The following HSPG2 variants were observed in gnomAD, a reference collection of about 807,000 sequenced individuals.
The protein encoded by HSPG2 is basement membrane-specific heparan sulfate proteoglycan core protein.
HSPG2 carries 278 observed loss-of-function variants against 526.6 expected under a neutral mutation model. The ratio of observed to expected loss-of-function variants is 0.53; its 90% confidence interval spans 0.48 to 0.58. The LOEUF (loss-of-function observed/expected upper bound fraction) is 0.58, where lower values mean the gene tolerates loss of function less well. Ranked by LOEUF, HSPG2 falls within the 20% of genes least tolerant of loss-of-function variation. HSPG2 has a pLI of 0.00. For missense variants in HSPG2, 5,354 were observed against 6,099.5 expected, an observed-to-expected ratio of 0.88 and a Z score of 4.07; for synonymous variants, 2,465 against 2,555.4, an observed-to-expected ratio of 0.96 and a Z score of 1.07.
intron 13 of HSPG2, among the ~76,000 whole-genome samples, chr1:21,882,573 T>C (rs558394771): frequency 6.6e-5 from 10 of 152,094 alleles, no homozygotes; most frequent in African/African-American, 2.2e-4. Flanking sequence ...GTTAGGTTGG[T>C]GAAAAAGTAA....
At chr1:21,879,858 G>A (rs1156836406) in intron 17 of HSPG2, among the ~76,000 whole-genome samples, 2 of 152,174 alleles carry the variant, frequency 1.3e-5, no homozygotes, top group African/African-American at 4.8e-5. Flanking sequence ...TCACCATGTT[G>A]GCCAGGCTGG....
Position 21,887,564 on chromosome 1 carries a change from G to A in HSPG2, c.814C>T (p.Pro272Ser). 6.2e-7 allele frequency: 1 copy of A among 1,614,130 alleles called. No individual in the cohort carries two copies. The highest frequency in any genetic ancestry group is 8.5e-7 in the Non-Finnish European group (1 of 1,180,026). ...ACGGAACCGGGAAGCAGGGGCTGAGGAGCGTGGGTGACTGGTGGCTGTCGC... is the reference window on the plus strand; with the variant it reads ...ACGGAACCGGGAAGCAGGGGCTGAGAAGCGTGGGTGACTGGTGGCTGTCGC... Reference protein sequence around the residue: ...IMRQPPVTHAPQPLLPGSVRP... With the variant: ...IMRQPPVTHASQPLLPGSVRP... The change falls in exon 8 of 97, where the codon CCT becomes TCT. Residue 272 changes from proline (P) to serine (S), a missense_variant. Transcript: ENST00000374695. The surrounding 1 kb of genome is among the most constrained non-coding windows in gnomAD (Gnocchi z 5.0).
rs1036572416 is a variant in HSPG2, at chr1:21,888,420, T to C, written c.575-354A>G. 2.0e-5 allele frequency among the ~76,000 whole-genome samples: 3 copies of C among 152,356 alleles called. No individual in the cohort carries two copies. In the South Asian group the frequency reaches 6.2e-4, roughly 32 times the overall value. On this transcript the variant is annotated intron_variant, in intron 6 of 96. Transcript: ENST00000374695. ...GTCTTGGGCTGTGCCCAGCCAGCCA[T>C]CTTGCCCACACCCTTCTTTCCTCTC...
chr1:21,829,591 G>A lies in HSPG2; in HGVS notation c.11784C>T (p.Thr3928=). 1.2e-6 allele frequency: 2 copies of A among 1,606,126 alleles called. No individual in the cohort carries two copies. Among genetic ancestry groups the A allele is most frequent in the South Asian group, 1.1e-5 (1 of 90,778 alleles). ...GLRCEEGVTV[T]TPSLSGAGSY... is the part of the protein sequence containing the mutation. Reference sequence around the variant, plus strand: ...AGCCAGCACCCGACAGCGAGGGGGTGGTCACTGTCACACCTGCAGCAGCCA... The same window carrying A: ...AGCCAGCACCCGACAGCGAGGGGGTAGTCACTGTCACACCTGCAGCAGCCA... Residue 3928 remains threonine, a synonymous_variant, in exon 87 of 97, where the codon ACC becomes ACT. Transcript: ENST00000374695.
rs746825144 is a variant in HSPG2, at chr1:21,895,826, C to G, written c.244+96G>C. ...ACCCACTTCTTCTTGCTTTGTACCC[C>G]AGGGCAGGCCCAAGGAGCCCTCAGC... On this transcript the variant is annotated intron_variant, in intron 3 of 96. Coordinates refer to ENST00000374695, the MANE Select transcript of HSPG2 (RefSeq NM_005529.7). The surrounding 1 kb of genome is among the most constrained non-coding windows in gnomAD (Gnocchi z 4.1). The G allele has an allele frequency of 6.2e-6, 7 of 1,131,032 alleles. No homozygotes were observed. Among genetic ancestry groups the G allele is most frequent in the African/African-American group, 1.5e-5 (1 of 65,644 alleles). 70.1% of individuals were successfully genotyped at this position (1,131,032 alleles called of 1,614,324 possible).
intron 1 of HSPG2, among the ~76,000 whole-genome samples, chr1:21,931,066 G>A (rs1315304726): frequency 6.6e-6 from 1 of 152,204 alleles, no homozygotes; most frequent in Non-Finnish European, 1.5e-5. Flanking sequence ...TGCAGGCCTG[G>A]CACAGATGAG....
chr1:21,883,688 G>T, intron 13 of HSPG2, among the ~76,000 whole-genome samples: 1 of 152,210 alleles, frequency 6.6e-6, no homozygotes, highest in East Asian at 1.9e-4. Context: ...CATAAAATGT[G>T]TTGAGTGCTT....
chr1:21,845,967 G>C, intron 64 of HSPG2, 141 bp downstream of exon 64: 2 of 1,028,380 alleles, frequency 1.9e-6, no homozygotes, highest in Non-Finnish European at 2.9e-6. Context: ...GGACCGTGTG[G>C]GTGGCGGGAG....
chr1:21,841,554 T>C lies in HSPG2; in HGVS notation c.9313A>G (p.Asn3105Asp), dbSNP rs771851950. Residue 3105 changes from asparagine to aspartate, a missense_variant, in exon 70 of 97, where the codon AAC (asparagine) becomes GAC (aspartate). Physicochemically the swap from Asn to Asp is conservative, Grantham distance 23. Coordinates refer to ENST00000374695, the MANE Select transcript of HSPG2 (RefSeq NM_005529.7). ...NAYGVAQSVV[N>D]LSVHGPPTVS... ...GTCCCCTCACCGTGCACACTGAGGT[T>C]CACCACACTCTGGGCCACACCGTAG... 1.4e-5 allele frequency: 22 copies of C among 1,614,110 alleles called. No individual in the cohort carries two copies. Among genetic ancestry groups the C allele is most frequent in the Non-Finnish European group, 1.7e-5 (20 of 1,180,042 alleles).
chr1:21,839,638 G>A lies in HSPG2; in HGVS notation c.9710-88C>T, dbSNP rs1259867775. On this transcript the variant is annotated intron_variant, in intron 72 of 96. Coordinates refer to ENST00000374695, the MANE Select transcript of HSPG2 (RefSeq NM_005529.7). The surrounding 1 kb of genome is among the most constrained non-coding windows in gnomAD (Gnocchi z 4.5). ...GCCATGGTGAGGAAGGGCCCTGGGTGATCCTGTCCCTCTATGGGGACCCCA... is the reference window on the plus strand; with the variant it reads ...GCCATGGTGAGGAAGGGCCCTGGGTAATCCTGTCCCTCTATGGGGACCCCA... 1.3e-6 allele frequency: 2 copies of A among 1,497,864 alleles called. No homozygotes were observed. The highest frequency in any genetic ancestry group is 4.7e-5 in the East Asian group (2 of 42,232). 92.8% of individuals were successfully genotyped at this position (1,497,864 alleles called of 1,614,324 possible).
Position 21,890,016 on chromosome 1 carries a change from G to C in HSPG2, c.539C>G (p.Ser180Cys). 1 of 1,614,072 alleles carries C rather than the reference G, an allele frequency of 6.2e-7. No individual in the cohort carries two copies. The highest frequency in any genetic ancestry group is 1.3e-5 in the African/African-American group (1 of 75,024). Residue 180 changes from serine (S) to cysteine (C), a missense_variant, in exon 6 of 97, where the codon TCT (serine) becomes TGT (cysteine). Transcript: ENST00000374695. This position sits in a 1 kb window ranked among gnomAD's most constrained non-coding sequence, Gnocchi z 4.1. ...SSGSVASYVT[S>C]PQGFQFRRLG... ...GCGTCGGAACTGGAATCCCTGGGGA[G>C]AGGTGACGTAGGAGGCCACAGAGCC...
Position 21,829,533 on chromosome 1 carries a change from G to A in HSPG2, c.11842C>T (p.His3948Tyr). The change falls in exon 87 of 97, where the codon CAC (histidine) becomes TAC (tyrosine). Residue 3948 changes from histidine (H) to tyrosine (Y), a missense_variant. His to Tyr is a moderately conservative substitution (Grantham distance 83). Coordinates refer to ENST00000374695, the MANE Select transcript of HSPG2 (RefSeq NM_005529.7). ...YLALPALTNT[H>Y]HELRLDVEFK... ...TCCACGTCCAGGCGTAGCTCGTGGT[G>A]TGTGTTGGTGAGGGCGGGCAGTGCC... 6.2e-7 allele frequency: 1 copy of A among 1,613,050 alleles called. No individual in the cohort carries two copies. Among genetic ancestry groups the A allele is most frequent in the Non-Finnish European group, 8.5e-7 (1 of 1,179,800 alleles).
At chr1:21,912,341 C>T (rs1413559330) in intron 1 of HSPG2, among the ~76,000 whole-genome samples, 2 of 152,178 alleles carry the variant, frequency 1.3e-5, no homozygotes, top group Non-Finnish European at 2.9e-5. Flanking sequence ...GTAAGTACCA[C>T]TTCTTCCTTC....
chr1:21,914,272 T>C (rs1323256238), intron 1 of HSPG2, among the ~76,000 whole-genome samples: 4 of 152,052 alleles, frequency 2.6e-5, no homozygotes, highest in Non-Finnish European at 5.9e-5. Context: ...GGGAGTGGCC[T>C]GTTGAGGGTT....
chr1:21,872,504 G>C lies in HSPG2; in HGVS notation c.4029+116C>G. The C allele has an allele frequency of 1.4e-6, 2 of 1,408,658 alleles. No homozygotes were observed. The highest frequency in any genetic ancestry group is 2.0e-6 in the Non-Finnish European group (2 of 1,019,096). The allele number at this position is 1,408,658 out of a possible 1,614,324, so 87.3% of individuals were successfully genotyped here. A position where few individuals can be genotyped will look rare whatever the true frequency, so the allele number is the denominator to read the frequency against. On this transcript the variant is annotated intron_variant, in intron 32 of 96. Transcript: ENST00000374695. This position sits in a 1 kb window ranked among gnomAD's most constrained non-coding sequence, Gnocchi z 5.5. ...AGATCAGGACTGCGAGAGAAATAAT[G>C]GGGGCATGTGAGGGTACTGAGGCGG...
At chr1:21,850,315 G>A in intron 56 of HSPG2, 48 bp downstream of exon 56, 2 of 1,604,184 alleles carry the variant, frequency 1.2e-6, no homozygotes, top group Non-Finnish European at 8.5e-7. Flanking sequence ...AGAGTGGGGG[G>A]CCTCCCACCC....
At chr1:21,831,912 C>A in intron 81 of HSPG2, 116 bp from the exon 82 acceptor site, 1 of 1,133,306 alleles carries the variant, frequency 8.8e-7, no homozygotes, top group South Asian at 1.6e-5. Context: ...TTCCTGCAGT[C>A]CCAGCCCTGG....
At position 21,842,259 on chromosome 1, in the gene HSPG2, G is replaced by A; in HGVS notation, c.9032C>T (p.Pro3011Leu). Reference sequence around the variant, plus strand: ...CTCACGGTAGGAAGACCCCTCACTGGGCGGGACGGTGACTGTGAAGGAGGC... The same window carrying A: ...CTCACGGTAGGAAGACCCCTCACTGAGCGGGACGGTGACTGTGAAGGAGGC... ...QEASFTVTVP[P>L]SEGSSYRLRS... Residue 3011 changes from proline to leucine, a missense_variant, in exon 68 of 97, where the codon CCC becomes CTC. Physicochemically the swap from Pro to Leu is moderately conservative, Grantham distance 98 (BLOSUM62 -3). Coordinates refer to ENST00000374695, the MANE Select transcript of HSPG2 (RefSeq NM_005529.7). 1 of 1,613,596 alleles carries A rather than the reference G, an allele frequency of 6.2e-7. No individual in the cohort carries two copies. Among genetic ancestry groups the A allele is most frequent in the Non-Finnish European group, 8.5e-7 (1 of 1,179,926 alleles).
rs766609198 is a variant in HSPG2, at chr1:21,842,361, C to T, written c.8930G>A (p.Arg2977Gln). 4.4e-6 allele frequency: 7 copies of T among 1,608,962 alleles called. No homozygotes were observed. The highest frequency in any genetic ancestry group is 1.7e-5 in the Admixed American group (1 of 59,744). The change falls in exon 68 of 97, where the codon CGG becomes CAG. Residue 2977 changes from arginine (R) to glutamine (Q), a missense_variant. Arg to Gln is a conservative substitution (Grantham distance 43, BLOSUM62 1). Transcript: ENST00000374695. ...ARHQTHGSQL[R>Q]LHLVSPADSG... ...GTCGGCAGGGGAGACGAGGTGGAGC[C>T]GCAGCTGGGAGCCATGGGTCTGTCA... is the stretch of plus-strand genomic sequence containing the variant.
Sources: gnomAD v4.1 joint callset for allele counts (sites outside exome capture counted in the v4.1 genomes callset) on GRCh38, gnomAD v4.1.1 for gene constraint, Gnocchi (gnomAD v3.1) non-coding constraint, MANE v1.5 for transcripts, NCBI Gene and HGNC (gene_info 2026-07-23, HGNC 2026-07-21) for gene names.